Variants in PTPRK observed in about 807,000 individuals in gnomAD.
PTPRK encodes the protein protein tyrosine phosphatase receptor type K.
Under a neutral mutation model 178.0 loss-of-function variants are expected in PTPRK, and 75 were observed. The observed-to-expected ratio is 0.42, with a 90% CI of 0.35 to 0.51. PTPRK has a LOEUF of 0.51. Ranked by LOEUF, PTPRK falls within the 20% of genes least tolerant of loss-of-function variation. The pLI, the probability that PTPRK is intolerant of heterozygous loss-of-function variation, is 0.02. For synonymous variants in PTPRK, 637 were observed against 620.6 expected, an observed-to-expected ratio of 1.03 and a Z score of -0.39; for missense variants, 1,441 against 1,797.8, an observed-to-expected ratio of 0.80 and a Z score of 3.59.
At chr6:128,282,215 G>A (rs1341942969) in intron 3 of PTPRK, among the ~76,000 whole-genome samples, 2 of 152,224 alleles carry the variant, frequency 1.3e-5, no homozygotes, top group East Asian at 3.9e-4. Flanking sequence ...TGTAGAAAAG[G>A]CAATGCAGCT....
At chr6:128,319,084 T>C (rs1348945266) in intron 3 of PTPRK, among the ~76,000 whole-genome samples, 1 of 152,126 alleles carries the variant, frequency 6.6e-6, no homozygotes, top group Non-Finnish European at 1.5e-5. Context: ...AAAAGCAAAA[T>C]TTACATTTGC....
At chr6:128,078,765 G>T in intron 11 of PTPRK, 48 bp downstream of exon 11, 1 of 1,388,826 alleles carries the variant, frequency 7.2e-7, no homozygotes, top group Non-Finnish European at 1.0e-6. Context: ...ATCTTGGGAT[G>T]TACATACCTG....
intron 7 of PTPRK, among the ~76,000 whole-genome samples, chr6:128,126,087 A>G (rs1793320849): frequency 6.6e-6 from 1 of 151,572 alleles, no homozygotes; most frequent in Admixed American, 6.6e-5. Context: ...TCTGGGATAC[A>G]TGTGCAGAAC....
chr6:128,223,210 G>A (rs1178949757), intron 5 of PTPRK, among the ~76,000 whole-genome samples: 1 of 151,430 alleles, frequency 6.6e-6, no homozygotes, highest in Non-Finnish European at 1.5e-5. Flanking sequence ...TTAGCGGGTG[G>A]CTCAAGTACT....
chr6:128,340,932 T>C, intron 2 of PTPRK: 1 of 238,748 alleles, frequency 4.2e-6, no homozygotes, highest in Non-Finnish European at 8.3e-6. Context: ...CATTCCAAAA[T>C]AACAGGAAAA....
chr6:128,288,686 A>T (rs1583920925), intron 3 of PTPRK, among the ~76,000 whole-genome samples: 1 of 152,152 alleles, frequency 6.6e-6, no homozygotes, highest in East Asian at 1.9e-4. Context: ...GAAACCTACT[A>T]TATTAAATTA....
chr6:128,016,336 G>T (rs968331303), intron 13 of PTPRK, among the ~76,000 whole-genome samples: 1 of 151,850 alleles, frequency 6.6e-6, no homozygotes, highest in Non-Finnish European at 1.5e-5. Context: ...GCTAAGTATA[G>T]TAAACTGCAG....
intron 5 of PTPRK, among the ~76,000 whole-genome samples, chr6:128,236,468 C>T (rs1232678207): frequency 1.3e-5 from 2 of 151,400 alleles, no homozygotes; most frequent in South Asian, 2.1e-4. Flanking sequence ...TCTGCCTCAG[C>T]CTGCCGAGTA....
At chr6:128,286,739 A>G (rs192169617) in intron 3 of PTPRK, among the ~76,000 whole-genome samples, 150 of 152,312 alleles carry the variant, frequency 9.8e-4, no homozygotes, top group Non-Finnish European at 1.8e-3. Flanking sequence ...AAGAATATCA[A>G]GCTTTTGAGG....
chr6:128,197,245 C>T (rs1300545052), intron 6 of PTPRK, among the ~76,000 whole-genome samples: 6 of 146,790 alleles, frequency 4.1e-5, no homozygotes, highest in Non-Finnish European at 8.9e-5. Flanking sequence ...GCAGAACATG[C>T]AGGTTTGTTA....
chr6:127,995,509 C>G lies in PTPRK; in HGVS notation c.2797G>C (p.Val933Leu). Reference sequence around the variant, plus strand: ...TAATCTGAGGAAGGATCATCCTCTACGGGTTGCAAAATCACTCTGGAGTGA... The same window carrying G: ...TAATCTGAGGAAGGATCATCCTCTAGGGGTTGCAAAATCACTCTGGAGTGA... ...YDHSRVILQP[V>L]EDDPSSDYIN... Residue 933 changes from valine (V) to leucine (L), a missense_variant, in exon 18 of 30, where the codon GTA becomes CTA. Physicochemically the swap from Val to Leu is conservative, Grantham distance 32. Transcript: ENST00000368226. 6.3e-7 allele frequency: 1 copy of G among 1,597,680 alleles called. No homozygotes were observed. The highest frequency in any genetic ancestry group is 8.5e-7 in the Non-Finnish European group (1 of 1,170,434).
At position 128,035,227 on chromosome 6, in the gene PTPRK, G is replaced by A. The variant is rs146235059; in HGVS notation, c.2195-25959C>T. On this transcript the variant is annotated intron_variant, in intron 13 of 29. Coordinates refer to ENST00000368226, the MANE Select transcript of PTPRK (RefSeq NM_002844.4). ...ACAAAAAATACAAAATTATCCAGGC[G>A]TTGTAGCAAGTGCCTGTAATCTCAG... 1.9e-4 allele frequency among the ~76,000 whole-genome samples: 29 copies of A among 152,188 alleles called. No homozygotes were observed. The East Asian group carries it at 5.0e-3, about 26-fold the overall frequency.
intron 1 of PTPRK, among the ~76,000 whole-genome samples, chr6:128,422,898 T>A (rs1470285348): frequency 1.3e-5 from 2 of 152,188 alleles, no homozygotes; most frequent in Admixed American, 1.3e-4. Context: ...GGTTCAGCTA[T>A]CTCTAGCAAT....
intron 1 of PTPRK, among the ~76,000 whole-genome samples, chr6:128,435,078 A>AAGGAAGGAAGGAAGGG (rs1845369532): frequency 1.0e-5 from 1 of 99,648 alleles, no homozygotes; most frequent in Non-Finnish European, 1.8e-5. Flanking sequence ...GGAAGGAAGG[A>AAGGAAGGAAGGAAGGG]AGGAAGGAAG....
chr6:128,029,059 G>A (rs1456751715), intron 13 of PTPRK, among the ~76,000 whole-genome samples: 1 of 152,158 alleles, frequency 6.6e-6, no homozygotes, highest in Non-Finnish European at 1.5e-5. Context: ...ATCTCATGCT[G>A]AGATGTATTC....
chr6:128,078,600 T>C (rs996216818), intron 11 of PTPRK, among the ~76,000 whole-genome samples: 1 of 152,062 alleles, frequency 6.6e-6, no homozygotes, highest in Non-Finnish European at 1.5e-5. Context: ...AAATACATAG[T>C]TGTTCTATTT....
Position 128,341,545 on chromosome 6 carries a change from G to A in PTPRK, c.224-19235C>T, listed in dbSNP as rs143540922. Among the ~76,000 whole-genome samples, 1,235 of 152,192 alleles carry A rather than the reference G, an allele frequency of 8.1e-3. 5 individuals carry two copies. The highest frequency in any genetic ancestry group is 0.027 in the Middle Eastern group (8 of 294). On this transcript the variant is annotated intron_variant, in intron 2 of 29. Transcript: ENST00000368226. ...GAAAATCCATAATTTTAATTTTTCT[G>A]AAGAAAAACATTTTTTCAAAAAGAT... is the stretch of plus-strand genomic sequence containing the variant.
intron 3 of PTPRK, among the ~76,000 whole-genome samples, chr6:128,246,494 T>G (rs1385983938): frequency 6.6e-6 from 1 of 152,202 alleles, no homozygotes; most frequent in Non-Finnish European, 1.5e-5. Flanking sequence ...CTAAATGTTG[T>G]CTTTGCCTCA....
At chr6:128,127,509 T>C (rs1793573324) in intron 7 of PTPRK, among the ~76,000 whole-genome samples, 1 of 152,354 alleles carries the variant, frequency 6.6e-6, no homozygotes, top group South Asian at 2.1e-4. Flanking sequence ...CTATATGCAC[T>C]GTATTAGCTT....
Sources: gnomAD v4.1 joint callset for allele counts (sites outside exome capture counted in the v4.1 genomes callset) on GRCh38, gnomAD v4.1.1 for gene constraint, MANE v1.5 for transcripts, NCBI Gene and HGNC (gene_info 2026-07-23, HGNC 2026-07-21) for gene names.